The following NCKAP1 variants were observed in gnomAD, a reference collection of about 807,000 sequenced individuals.
NCKAP1 encodes the protein nck-associated protein 1.
NCKAP1 carries 21 observed loss-of-function variants against 151.2 expected under a neutral mutation model. The ratio of observed to expected loss-of-function variants is 0.14; its 90% confidence interval spans 0.10 to 0.20. The LOEUF (loss-of-function observed/expected upper bound fraction) is 0.20, where lower values mean the gene tolerates loss of function less well. Ranked by LOEUF, NCKAP1 falls within the 10% of genes least tolerant of loss-of-function variation. The pLI, the probability that NCKAP1 is intolerant of heterozygous loss-of-function variation, is 1.00. For missense variants in NCKAP1, 933 were observed against 1,352.1 expected (o/e 0.69, Z 4.86); for synonymous variants, 484 against 451.8 (o/e 1.07, Z -0.90).
intron 24 of NCKAP1, among the ~76,000 whole-genome samples, chr2:182,937,776 T>A (rs1339713807): frequency 6.6e-6 from 1 of 152,172 alleles, no homozygotes; most frequent in Non-Finnish European, 1.5e-5. Context: ...GCACATGGAA[T>A]ATGAGGAGTG....
chr2:182,945,041 C>A (rs1375911841), intron 23 of NCKAP1, among the ~76,000 whole-genome samples: 1 of 152,128 alleles, frequency 6.6e-6, no homozygotes, highest in African/African-American at 2.4e-5. Context: ...TTGAAACTAG[C>A]CTGTCCAACA....
chr2:183,028,122 GAA>G (rs978538708), intron 1 of NCKAP1, among the ~76,000 whole-genome samples: 50 of 150,700 alleles, frequency 3.3e-4, no homozygotes, highest in Non-Finnish European at 5.8e-4. Flanking sequence ...CCCAAAAATA[GAA>G]AAAAAGGAAA....
intron 14 of NCKAP1, among the ~76,000 whole-genome samples, chr2:182,978,577 C>T (rs533980690): frequency 1.1e-4 from 17 of 152,164 alleles, no homozygotes; most frequent in South Asian, 2.1e-4. Flanking sequence ...ATATGATTTG[C>T]TACAAAATGC....
chr2:182,936,175 T>C (rs1696870956), intron 24 of NCKAP1, among the ~76,000 whole-genome samples: 1 of 151,948 alleles, frequency 6.6e-6, no homozygotes, highest in African/African-American at 2.4e-5. Context: ...GGAGGATCCT[T>C]TGAGTTCAGG....
intron 9 of NCKAP1, among the ~76,000 whole-genome samples, chr2:182,988,749 A>G (rs973997072): frequency 6.6e-6 from 1 of 152,238 alleles, no homozygotes; most frequent in Admixed American, 6.5e-5. Context: ...CTAAAATCAT[A>G]TATGACTTGC....
chr2:182,957,691 T>C (rs374360958), intron 18 of NCKAP1, 95 bp from the exon 19 acceptor site: 1 of 1,291,418 alleles, frequency 7.7e-7, no homozygotes, highest in South Asian at 1.4e-5. Flanking sequence ...CAGGCTGTGT[T>C]GCAAATATCA....
At position 183,038,138 on chromosome 2, in the gene NCKAP1, G is replaced by C; in HGVS notation, c.-39C>G. The C allele has an allele frequency of 6.9e-7, 1 of 1,454,198 alleles. No homozygotes were observed. Among genetic ancestry groups the C allele is most frequent in the Non-Finnish European group, 9.1e-7 (1 of 1,093,304 alleles). The allele number at this position is 1,454,198 out of a possible 1,614,324, so 90.1% of individuals were successfully genotyped here. On this transcript the variant is annotated 5_prime_UTR_variant, in exon 1 of 31. Transcript: ENST00000361354. ...CCGCCGCCGCCGCCGGCCGCCTCGC[G>C]CCCAGTCACGGGCCCGCGGCCTTCG...
chr2:182,935,442 G>A, intron 24 of NCKAP1, 67 bp from the exon 25 acceptor site: 1 of 904,146 alleles, frequency 1.1e-6, no homozygotes, highest in Non-Finnish European at 1.6e-6. Context: ...CTTAAACTTG[G>A]AAAAAAATCT....
At chr2:182,932,194 T>C (rs1444615255) in intron 26 of NCKAP1, among the ~76,000 whole-genome samples, 2 of 152,184 alleles carry the variant, frequency 1.3e-5, no homozygotes, top group South Asian at 2.1e-4. Flanking sequence ...GCAGTGTTTC[T>C]AATAGCTAAG....
chr2:182,930,607 T>C, intron 27 of NCKAP1, 88 bp downstream of exon 27: 1 of 1,007,452 alleles, frequency 9.9e-7, no homozygotes, highest in Non-Finnish European at 1.5e-6. Flanking sequence ...AAGCAGGCAT[T>C]TGAATATATG....
intron 29 of NCKAP1, among the ~76,000 whole-genome samples, chr2:182,927,436 T>C (rs1206817205): frequency 6.6e-6 from 1 of 152,078 alleles, no homozygotes; most frequent in Non-Finnish European, 1.5e-5. Context: ...AAAATTATTT[T>C]TTAAAAAAGC....
Position 182,916,083 on chromosome 2 carries a change from T to C in NCKAP1, c.*9619A>G, listed in dbSNP as rs943557831. 4 of 149,556 alleles carry C rather than the reference T, an allele frequency of 2.7e-5. No individual in the cohort carries two copies. The highest frequency in any genetic ancestry group is 9.9e-5 in the African/African-American group (4 of 40,578). 9.3% of individuals were successfully genotyped at this position (149,556 alleles called of 1,614,324 possible). A position where few individuals can be genotyped will look rare whatever the true frequency, so the allele number is the denominator to read the frequency against. On this transcript the variant is annotated 3_prime_UTR_variant, in exon 31 of 31. Transcript: ENST00000361354. ...CTCTCCCTCCCCGTCTCCCTGCTCC[T>C]GCTCCTCCCTCTCCCCCTCCCCCAC...
rs1575029381 is a variant in NCKAP1, at chr2:182,957,271, C to T, written c.2021+186G>A. 4 of 594,958 alleles carry T rather than the reference C, an allele frequency of 6.7e-6. No individual in the cohort carries two copies. In the East Asian group the frequency reaches 1.0e-4, roughly 16 times the overall value. 36.9% of individuals were successfully genotyped at this position (594,958 alleles called of 1,614,324 possible). On this transcript the variant is annotated intron_variant, in intron 19 of 30. Transcript: ENST00000361354. Reference sequence around the variant, plus strand: ...ATTACATATATTTTCTTCTAAAGGCCAAAATCTGTATTTTGAGATGAAATA... The same window carrying T: ...ATTACATATATTTTCTTCTAAAGGCTAAAATCTGTATTTTGAGATGAAATA...
intron 21 of NCKAP1, 46 bp downstream of exon 21, chr2:182,953,067 C>T: frequency 1.3e-6 from 2 of 1,536,392 alleles, no homozygotes; most frequent in Admixed American, 2.0e-5. Flanking sequence ...CTAAGTACTT[C>T]ATTACAAATT....
Position 183,003,112 on chromosome 2 carries a change from T to TA in NCKAP1, c.313-83dup. The TA allele has an allele frequency of 2.2e-6, 3 of 1,348,166 alleles. No homozygotes were observed. In the South Asian group the frequency reaches 4.0e-5, roughly 18 times the overall value. 83.5% of individuals were successfully genotyped at this position (1,348,166 alleles called of 1,614,324 possible). A position where few individuals can be genotyped will look rare whatever the true frequency, so the allele number is the denominator to read the frequency against. The stretch of plus-strand genomic sequence containing the variant: ...AAACACAAACAAATAAGGTATGTGT[T>TA]AAACTTCAGTTCTGGAAGAATTTCA... On this transcript the variant is annotated intron_variant, in intron 3 of 30. Transcript: ENST00000361354.
chr2:182,956,262 G>A (rs376472523), intron 20 of NCKAP1, among the ~76,000 whole-genome samples, 200 bp downstream of exon 20: 2 of 152,054 alleles, frequency 1.3e-5, no homozygotes, highest in Admixed American at 6.5e-5. Context: ...GGATGGTCTC[G>A]ATCTCCTGAC....
chr2:183,009,035 C>G (rs1170616308), intron 2 of NCKAP1, among the ~76,000 whole-genome samples: 1 of 152,004 alleles, frequency 6.6e-6, no homozygotes, highest in East Asian at 1.9e-4. Flanking sequence ...GTAAATATTT[C>G]AAAAATGCAT....
chr2:182,981,723 A>G (rs1575045464), intron 12 of NCKAP1, among the ~76,000 whole-genome samples: 1 of 152,096 alleles, frequency 6.6e-6, no homozygotes. Context: ...AGCCTGGCCA[A>G]CATGGTAAAA....
In NCKAP1 at chr2:182,982,826, T is replaced by C. The variant is rs1276745292; in HGVS notation, c.1203A>G (p.Ile401Met). Residue 401 changes from isoleucine to methionine, a missense_variant, in exon 12 of 31, where the codon ATA (isoleucine) becomes ATG (methionine). Transcript: ENST00000361354. ...TTTAAATGTTGCTAACTTACTTATC[T>C]ATAAAGTCGTCTGCACTCTTCTTTG... ...NMPKKSADDF[I>M]DKHIAELIFY... The C allele has an allele frequency of 6.3e-7, 1 of 1,582,328 alleles. No individual in the cohort carries two copies. The highest frequency in any genetic ancestry group is 8.6e-7 in the Non-Finnish European group (1 of 1,166,918).
Sources: gnomAD v4.1 joint callset for allele counts (sites outside exome capture counted in the v4.1 genomes callset) on GRCh38, gnomAD v4.1.1 for gene constraint, MANE v1.5 for transcripts, NCBI Gene and HGNC (gene_info 2026-07-23, HGNC 2026-07-21) for gene names.